Variants in BCO2 observed in about 807,000 individuals in gnomAD.
BCO2 encodes carotenoid-cleaving dioxygenase, mitochondrial.
In BCO2, 56 loss-of-function variants were observed where a neutral mutation model predicts 65.8. The ratio of observed to expected loss-of-function variants is 0.85; its 90% CI spans 0.69 to 1.06. The LOEUF (loss-of-function observed/expected upper bound fraction) is 1.06. Among genes scored for constraint, BCO2 ranks in the 50% least tolerant of loss-of-function variants. BCO2 has a pLI of 0.00. For synonymous variants in BCO2, 233 were observed against 242.3 expected (o/e 0.96, Z 0.36); for missense variants, 675 against 698.5 (o/e 0.97, Z 0.38).
At chr11:112,180,761 G>T in intron 2 of BCO2, 7 of 932,896 alleles carry the variant, frequency 7.5e-6, no homozygotes, top group Non-Finnish European at 1.3e-5. Flanking sequence ...AGGACCCAGT[G>T]GGGGCAGCGT....
chr11:112,198,481 A>G (rs1360373570), intron 5 of BCO2, among the ~76,000 whole-genome samples: 1 of 152,090 alleles, frequency 6.6e-6, no homozygotes, highest in African/African-American at 2.4e-5. Context: ...AGAATAAATA[A>G]ATAAAGAACT....
chr11:112,192,210 A>G (rs1323898007), intron 2 of BCO2, among the ~76,000 whole-genome samples: 1 of 152,192 alleles, frequency 6.6e-6, no homozygotes, highest in African/African-American at 2.4e-5. Flanking sequence ...GGCATATTTC[A>G]TATCGCATAA....
intron 5 of BCO2, among the ~76,000 whole-genome samples, chr11:112,195,245 C>T (rs906607386): frequency 6.9e-6 from 1 of 143,902 alleles, no homozygotes; most frequent in African/African-American, 2.4e-5. Context: ...AGCGATTCTC[C>T]TGCCTCAGCC....
Position 112,194,591 on chromosome 11 carries a change from CT to C in BCO2, c.634-61del. On this transcript the variant is annotated intron_variant, in intron 4 of 11. Transcript: ENST00000357685. ...TTTTTAAAAACATTAGATATTTCTA[CT>C]ATTTATGCATGTGAATAGAGATCTG... The C allele has an allele frequency of 1.2e-5, 11 of 938,664 alleles. No homozygotes were observed. In the Middle Eastern group the frequency reaches 1.0e-3, roughly 89 times the overall value. The allele number at this position is 938,664 out of a possible 1,614,324, so 58.1% of individuals were successfully genotyped here. A position where few individuals can be genotyped will look rare whatever the true frequency, so the allele number is the denominator to read the frequency against.
In BCO2 at chr11:112,175,538, T is replaced by C; in HGVS notation, c.-64T>C. 8 of 1,200,180 alleles carry C rather than the reference T, an allele frequency of 6.7e-6. No individual in the cohort carries two copies. The highest frequency in any genetic ancestry group is 9.9e-6 in the Non-Finnish European group (8 of 805,358). The allele number at this position is 1,200,180 out of a possible 1,614,324, so 74.3% of individuals were successfully genotyped here. ...GGCAGTTCTGTGCGTGTTCACTGTT[T>C]AGTAGTACTCAAAACTGCCAGTGTG... On this transcript the variant is annotated 5_prime_UTR_variant, in exon 1 of 12. Coordinates refer to ENST00000357685, the MANE Select transcript of BCO2 (RefSeq NM_031938.7).
intron 8 of BCO2, among the ~76,000 whole-genome samples, chr11:112,202,524 T>A (rs555665921): frequency 6.6e-6 from 1 of 152,168 alleles, no homozygotes; most frequent in Non-Finnish European, 1.5e-5. Flanking sequence ...TCGAGTAATC[T>A]GACTGCTTCA....
At chr11:112,202,976 G>A (rs1432333318) in intron 8 of BCO2, among the ~76,000 whole-genome samples, 1 of 151,638 alleles carries the variant, frequency 6.6e-6, no homozygotes, top group African/African-American at 2.4e-5. Context: ...CTTGAACCCA[G>A]GAGGTGGAGG....
intron 2 of BCO2, among the ~76,000 whole-genome samples, chr11:112,183,647 A>G (rs183821195): frequency 5.3e-5 from 8 of 152,332 alleles, no homozygotes; most frequent in African/African-American, 1.9e-4. Flanking sequence ...AAAACTTGGT[A>G]AAGGTTGTTT....
intron 1 of BCO2, among the ~76,000 whole-genome samples, chr11:112,178,734 G>A (rs1866949868): frequency 6.6e-6 from 1 of 152,060 alleles, no homozygotes; most frequent in Non-Finnish European, 1.5e-5. Flanking sequence ...AAAATGCCTT[G>A]TATTTTCATG....
intron 8 of BCO2, 47 bp from the exon 9 acceptor site, chr11:112,213,677 G>C (rs1049027105): frequency 1.3e-6 from 2 of 1,579,728 alleles, no homozygotes; most frequent in Non-Finnish European, 1.7e-6. Context: ...GGGACATACT[G>C]TTACCATATG....
intron 7 of BCO2, among the ~76,000 whole-genome samples, 199 bp downstream of exon 7, chr11:112,200,972 AT>A (rs375037436): frequency 3.0e-4 from 45 of 152,284 alleles, no homozygotes; most frequent in Admixed American, 3.3e-4. Context: ...ATTATAGGAA[AT>A]GATTTTATCT....
At position 112,187,090 on chromosome 11, in the gene BCO2, T is replaced by C. The variant is rs565067973; in HGVS notation, c.294-6384T>C. On this transcript the variant is annotated intron_variant, in intron 2 of 11. Coordinates refer to ENST00000357685, the MANE Select transcript of BCO2 (RefSeq NM_031938.7). Reference sequence around the variant, plus strand: ...CCCTGAAATCTTGAACTCTGAAACTTTACTCTGCTCAAAACCCCAGTTTTC... The same window carrying C: ...CCCTGAAATCTTGAACTCTGAAACTCTACTCTGCTCAAAACCCCAGTTTTC... Among the ~76,000 whole-genome samples the C allele has an allele frequency of 1.2e-4, 19 of 152,284 alleles. 1 individual carries two copies. In the South Asian group the frequency reaches 1.5e-3, roughly 12 times the overall value.
chr11:112,181,540 C>G, intron 2 of BCO2: 1 of 742,818 alleles, frequency 1.3e-6, no homozygotes, highest in Non-Finnish European at 2.5e-6. Context: ...CTACTTGCAT[C>G]GTGGACAGCT....
At chr11:112,204,200 A>C (rs1204214737) in intron 8 of BCO2, among the ~76,000 whole-genome samples, 2 of 152,106 alleles carry the variant, frequency 1.3e-5, no homozygotes, top group Non-Finnish European at 2.9e-5. Context: ...ACTTAACATA[A>C]TGTCTTCCAG....
Position 112,213,827 on chromosome 11 carries a change from C to T in BCO2, c.1298C>T (p.Thr433Ile). Residue 433 changes from threonine to isoleucine, a missense_variant, in exon 9 of 12, where the codon ACT becomes ATT. Transcript: ENST00000357685. ...EGDNLSPLSY[T>I]SASAVKQADG... ...GACAACCTGAGTCCATTGTCCTATA[C>T]TTCAGCCAGTGCTGTGAAACAGGCT... 5 of 1,597,688 alleles carry T rather than the reference C, an allele frequency of 3.1e-6. No individual in the cohort carries two copies. The highest frequency in any genetic ancestry group is 4.3e-6 in the Non-Finnish European group (5 of 1,172,430).
At chr11:112,205,934 C>T (rs1867853600) in intron 8 of BCO2, among the ~76,000 whole-genome samples, 1 of 151,858 alleles carries the variant, frequency 6.6e-6, no homozygotes, top group Non-Finnish European at 1.5e-5. Context: ...AGGTCCATTG[C>T]CCATTTTTTA....
chr11:112,182,366 A>C (rs1275851719), intron 2 of BCO2, among the ~76,000 whole-genome samples: 1 of 152,224 alleles, frequency 6.6e-6, no homozygotes, highest in Non-Finnish European at 1.5e-5. Context: ...TACCCAAAGG[A>C]CTATAAATCA....
intron 2 of BCO2, 58 bp from the exon 3 acceptor site, chr11:112,193,416 C>T (rs11214125): frequency 0.075 from 106,921 of 1,420,076 alleles, 4,557 homozygotes; most frequent in Non-Finnish European, 0.086. Context: ...ATCACTCTGT[C>T]CCTCATTTTT....
intron 2 of BCO2, chr11:112,179,763 C>G: frequency 2.5e-6 from 1 of 406,092 alleles, no homozygotes; most frequent in Non-Finnish European, 4.6e-6. Context: ...AGCTGTTTCC[C>G]CACAAGTTCC....
Sources: allele counts gnomAD v4.1 joint callset (sites outside exome capture counted in the v4.1 genomes callset), GRCh38; gene constraint gnomAD v4.1.1; transcripts MANE v1.5; gene names NCBI Gene and HGNC (gene_info 2026-07-23, HGNC 2026-07-21).